SYNPO2: variants seen among roughly 807,000 people sequenced by gnomAD.
SYNPO2 encodes synaptopodin-2.
In SYNPO2, 56 loss-of-function variants were observed where a neutral mutation model predicts 85.0. The ratio of observed to expected loss-of-function variants is 0.66; its 90% CI spans 0.53 to 0.82. The LOEUF (loss-of-function observed/expected upper bound fraction) is 0.82. SYNPO2 is among the 40% of genes least tolerant of loss of function. The pLI is 0.00. For synonymous variants in SYNPO2, 602 were observed against 591.1 expected, an observed-to-expected ratio of 1.02 and a Z score of -0.27; for missense variants, 1,575 against 1,534.2, an observed-to-expected ratio of 1.03 and a Z score of -0.44.
intron 1 of SYNPO2, among the ~76,000 whole-genome samples, chr4:118,896,120 G>A (rs769811507): frequency 2.2e-4 from 33 of 152,224 alleles, no homozygotes; most frequent in East Asian, 7.7e-4. Context: ...ACTCCCCTGC[G>A]TCAGCCTGGA....
At chr4:118,900,703 C>CTCTCTCTCTCTCTCTATATA (rs1277981772) in intron 1 of SYNPO2, among the ~76,000 whole-genome samples, 6 of 43,894 alleles carry the variant, frequency 1.4e-4, no homozygotes, top group Non-Finnish European at 9.1e-5. Context: ...CTCTCTCTCT[C>CTCTCTCTCTCTCTCTATATA]TATATATATA....
chr4:119,053,289 C>T (rs1331017789), intron 4 of SYNPO2, among the ~76,000 whole-genome samples: 2 of 152,208 alleles, frequency 1.3e-5, no homozygotes, highest in Non-Finnish European at 2.9e-5. Context: ...AGGCTAGAGG[C>T]TTGCAATATT....
chr4:118,995,529 A>C (rs934336827), intron 1 of SYNPO2, among the ~76,000 whole-genome samples: 1 of 152,220 alleles, frequency 6.6e-6, no homozygotes, highest in African/African-American at 2.4e-5. Context: ...GCTCCAAGTT[A>C]CACAGTTAGT....
intron 1 of SYNPO2, among the ~76,000 whole-genome samples, chr4:118,956,646 G>GT (rs1350809268): frequency 3.9e-5 from 6 of 152,118 alleles, no homozygotes; most frequent in African/African-American, 1.4e-4. Flanking sequence ...AGTTGGGGAG[G>GT]TAAGTGTAAC....
At chr4:118,879,739 G>T (rs751466052) in intron 1 of SYNPO2, among the ~76,000 whole-genome samples, 2 of 152,154 alleles carry the variant, frequency 1.3e-5, no homozygotes, top group Admixed American at 6.5e-5. Flanking sequence ...TCAATCATTT[G>T]CCTTCACTGG....
intron 1 of SYNPO2, among the ~76,000 whole-genome samples, chr4:118,987,255 G>A (rs1040813713): frequency 6.6e-6 from 1 of 152,064 alleles, no homozygotes; most frequent in Non-Finnish European, 1.5e-5. Context: ...TCATAACATC[G>A]AATGTCCCAG....
intron 4 of SYNPO2, among the ~76,000 whole-genome samples, chr4:119,047,786 C>T (rs1738916373): frequency 6.6e-6 from 1 of 152,124 alleles, no homozygotes; most frequent in South Asian, 2.1e-4. Context: ...TTTCTACTGT[C>T]AAGAAAATTT....
chr4:118,923,780 G>A (rs1466329480), intron 1 of SYNPO2, among the ~76,000 whole-genome samples: 2 of 151,284 alleles, frequency 1.3e-5, no homozygotes, highest in South Asian at 4.2e-4. Flanking sequence ...TTAACATTCT[G>A]TAGCCTTTGT....
intron 4 of SYNPO2, among the ~76,000 whole-genome samples, chr4:119,055,816 G>A (rs1035165841): frequency 1.2e-4 from 18 of 152,080 alleles, no homozygotes; most frequent in Non-Finnish European, 1.3e-4. Context: ...ATTAAAATGA[G>A]AGAATCAAGA....
chr4:118,875,004 C>T (rs1731877609), intron 1 of SYNPO2, among the ~76,000 whole-genome samples: 1 of 152,160 alleles, frequency 6.6e-6, no homozygotes, highest in South Asian at 2.1e-4. Context: ...GCTCTTCTTC[C>T]TAATGCTCTC....
intron 1 of SYNPO2, among the ~76,000 whole-genome samples, chr4:118,989,388 G>A (rs1333669242): frequency 1.3e-5 from 2 of 152,304 alleles, no homozygotes; most frequent in African/African-American, 4.8e-5. Flanking sequence ...GAGAGTCAGA[G>A]CCTGAAACTG....
At chr4:118,939,977 CTTTTTTT>C (rs111485944) in intron 1 of SYNPO2, among the ~76,000 whole-genome samples, 1 of 119,848 alleles carries the variant, frequency 8.3e-6, no homozygotes, top group African/African-American at 3.0e-5. Context: ...TTTCTCTCTT[CTTTTTTT>C]TTTTTTTTTT....
chr4:118,864,714 C>T (rs1731671995), intron 1 of SYNPO2, among the ~76,000 whole-genome samples: 1 of 152,126 alleles, frequency 6.6e-6, no homozygotes, highest in Non-Finnish European at 1.5e-5. Flanking sequence ...TTTGTCTCTT[C>T]TTATGGTATC....
intron 1 of SYNPO2, among the ~76,000 whole-genome samples, chr4:118,878,424 T>G (rs1353132991): frequency 1.3e-5 from 2 of 152,206 alleles, no homozygotes; most frequent in Non-Finnish European, 2.9e-5. Context: ...ATCAATTTAC[T>G]TCAACCCTAG....
At chr4:118,867,444 T>C (rs974520410) in intron 1 of SYNPO2, among the ~76,000 whole-genome samples, 2 of 148,850 alleles carry the variant, frequency 1.3e-5, no homozygotes, top group African/African-American at 4.9e-5. Flanking sequence ...AGATAATTCC[T>C]TGTGGTTCCT....
intron 1 of SYNPO2, among the ~76,000 whole-genome samples, chr4:118,909,224 G>A (rs114556384): frequency 6.6e-6 from 1 of 152,228 alleles, no homozygotes; most frequent in African/African-American, 2.4e-5. Context: ...GCTCTTTTCA[G>A]GGTTGTGAAA....
chr4:118,912,751 T>G (rs561717171), intron 1 of SYNPO2, among the ~76,000 whole-genome samples: 1 of 152,126 alleles, frequency 6.6e-6, no homozygotes, highest in Admixed American at 6.6e-5. Context: ...ACCAACTAGA[T>G]AGTAGTTCAG....
chr4:119,031,040 C>A lies in SYNPO2; in HGVS notation c.2265C>A (p.Thr755=), dbSNP rs746835891. The change falls in exon 4 of 5, where the codon ACC becomes ACA. Residue 755 remains threonine (T), a synonymous_variant. Coordinates refer to ENST00000307142, the MANE Select transcript of SYNPO2 (RefSeq NM_133477.3). Reference sequence around the variant, plus strand: ...AAAGCTCCTCTGCCAAACAAAAGACCCCTCCTCCTGTTGCTCCAAAACCTG... The same window carrying A: ...AAAGCTCCTCTGCCAAACAAAAGACACCTCCTCCTGTTGCTCCAAAACCTG... The part of the protein sequence containing the change: ...FMQSSSAKQK[T]PPPVAPKPAV... 4 of 1,613,992 alleles carry A rather than the reference C, an allele frequency of 2.5e-6. No individual in the cohort carries two copies. The highest frequency in any genetic ancestry group is 3.3e-5 in the Admixed American group (2 of 59,986).
chr4:118,982,267 A>G (rs1343379122), intron 1 of SYNPO2, among the ~76,000 whole-genome samples: 1 of 152,214 alleles, frequency 6.6e-6, no homozygotes, highest in Non-Finnish European at 1.5e-5. Flanking sequence ...GAAAAAAAAG[A>G]TAATGTCCAG....
Sources: gnomAD v4.1 joint callset for allele counts (sites outside exome capture counted in the v4.1 genomes callset) on GRCh38, gnomAD v4.1.1 for gene constraint, MANE v1.5 for transcripts, NCBI Gene and HGNC (gene_info 2026-07-23, HGNC 2026-07-21) for gene names.